Variants in CNTN6 observed in about 807,000 individuals in gnomAD.
The protein encoded by CNTN6 is contactin 6.
CNTN6 carries 137 observed loss-of-function variants against 122.8 expected under a neutral mutation model. That is an observed-to-expected ratio of 1.12 (90% confidence interval 0.97 to 1.29). The LOEUF (loss-of-function observed/expected upper bound fraction) is 1.29, where lower values mean the gene tolerates loss of function less well. Ranked by LOEUF, CNTN6 falls within the 50% of genes most tolerant of loss-of-function variation. CNTN6 has a pLI of 0.00. For missense variants in CNTN6, 1,634 were observed against 1,223.4 expected (o/e 1.34, Z -5.01); for synonymous variants, 570 against 426.0 (o/e 1.34, Z -4.16).
intron 4 of CNTN6, among the ~76,000 whole-genome samples, chr3:1,245,977 CA>C (rs2094578119): frequency 6.6e-6 from 1 of 151,966 alleles, no homozygotes; most frequent in Non-Finnish European, 1.5e-5. Flanking sequence ...TTTGTTGGGC[CA>C]CATTCAAAGC....
At chr3:1,366,579 T>G (rs1708247352) in intron 12 of CNTN6, among the ~76,000 whole-genome samples, 1 of 152,162 alleles carries the variant, frequency 6.6e-6, no homozygotes, top group South Asian at 2.1e-4. Flanking sequence ...CAAAGTAGCA[T>G]GAACAGTTTT....
chr3:1,384,764 T>C (rs1309199940), intron 19 of CNTN6, among the ~76,000 whole-genome samples: 3 of 119,478 alleles, frequency 2.5e-5, no homozygotes, highest in Admixed American at 1.7e-4. Flanking sequence ...TATATACATA[T>C]ATATACACAT....
chr3:1,232,691 A>T lies in CNTN6; in HGVS notation c.358+4698A>T, dbSNP rs2094367803. Among the ~76,000 whole-genome samples the T allele has an allele frequency of 4.6e-5, 7 of 152,200 alleles. No individual in the cohort carries two copies. The South Asian group carries it at 1.4e-3, about 31-fold the overall frequency. On this transcript the variant is annotated intron_variant, in intron 4 of 22. Coordinates refer to ENST00000446702, the MANE Select transcript of CNTN6 (RefSeq NM_001289080.2). ...GTTTTCAAATCCAGACAGAGTGAAG[A>T]GTCCTACCACCTACTGCACTGTCCC...
At chr3:1,257,665 TA>T (rs1476693045) in intron 4 of CNTN6, among the ~76,000 whole-genome samples, 5 of 152,110 alleles carry the variant, frequency 3.3e-5, no homozygotes, top group Non-Finnish European at 7.4e-5. Context: ...ATATAGTAGT[TA>T]AGAGTAAAGT....
At chr3:1,301,499 C>A (rs1697407635) in intron 7 of CNTN6, among the ~76,000 whole-genome samples, 1 of 152,086 alleles carries the variant, frequency 6.6e-6, no homozygotes, top group Non-Finnish European at 1.5e-5. Flanking sequence ...CAGGAAATAA[C>A]CGTTGAACAT....
At chr3:1,247,139 G>A (rs550370432) in intron 4 of CNTN6, among the ~76,000 whole-genome samples, 2 of 151,796 alleles carry the variant, frequency 1.3e-5, no homozygotes, top group African/African-American at 2.4e-5. Context: ...TTTGTCCTTC[G>A]TATTTAAATT....
chr3:1,289,681 T>TG (rs1242609698), intron 5 of CNTN6, among the ~76,000 whole-genome samples: 3 of 149,666 alleles, frequency 2.0e-5, no homozygotes, highest in Non-Finnish European at 4.5e-5. Context: ...TTTGGGTTTT[T>TG]TTTTTTTTTT....
chr3:1,402,514 G>C, intron 22 of CNTN6, 28 bp downstream of exon 22: 1 of 1,573,246 alleles, frequency 6.4e-7, no homozygotes, highest in South Asian at 1.1e-5. Context: ...TGCTGTAGTA[G>C]ATTCTGAACC....
At chr3:1,154,448 C>CTTTTTTTTTTTTT (rs771133835) in intron 2 of CNTN6, among the ~76,000 whole-genome samples, 7 of 140,474 alleles carry the variant, frequency 5.0e-5, no homozygotes, top group African/African-American at 5.5e-5. Context: ...TCTTTTCTTT[C>CTTTTTTTTTTTTT]TTTTTTTTTT....
intron 19 of CNTN6, among the ~76,000 whole-genome samples, chr3:1,383,625 A>C (rs944605816): frequency 6.6e-6 from 1 of 151,914 alleles, no homozygotes; most frequent in South Asian, 2.1e-4. Flanking sequence ...AGAATTCGAG[A>C]GTGAGCCAGT....
chr3:1,102,197 T>G (rs1285900543), intron 1 of CNTN6, among the ~76,000 whole-genome samples: 1 of 152,176 alleles, frequency 6.6e-6, no homozygotes, highest in Non-Finnish European at 1.5e-5. Flanking sequence ...GTTTATTTGG[T>G]TTCCCATATT....
At position 1,396,551 on chromosome 3, in the gene CNTN6, C is replaced by T. The variant is rs951089755; in HGVS notation, c.2705-4882C>T. Among the ~76,000 whole-genome samples, 4 of 152,212 alleles carry T rather than the reference C, an allele frequency of 2.6e-5. No individual in the cohort carries two copies. In the East Asian group the frequency reaches 5.8e-4, roughly 22 times the overall value. On this transcript the variant is annotated intron_variant, in intron 20 of 22. Transcript: ENST00000446702. ...TAGAGATGAAGATACTTACCTCTAG[C>T]GATTTCTCTGAGAACCAAAGGATAT...
At chr3:1,351,826 T>C (rs1378829785) in intron 11 of CNTN6, among the ~76,000 whole-genome samples, 1 of 151,894 alleles carries the variant, frequency 6.6e-6, no homozygotes, top group Non-Finnish European at 1.5e-5. Context: ...TTTCTTCAAC[T>C]CATCAGCACT....
In CNTN6 at chr3:1,393,803, AAG is replaced by A. The variant is rs376824333; in HGVS notation, c.2705-7622_2705-7621del. On this transcript the variant is annotated intron_variant, in intron 20 of 22. Transcript: ENST00000446702. Reference sequence around the variant, plus strand: ...CACTGAACTAATCATTTACCTCAGGAAGAGAGAGATATATCCATATGACATAT... The same window carrying A: ...CACTGAACTAATCATTTACCTCAGGAAGAGAGATATATCCATATGACATAT... Among the ~76,000 whole-genome samples the A allele has an allele frequency of 2.6e-3, 396 of 152,252 alleles. 2 individuals are homozygous for A. Among genetic ancestry groups the A allele is most frequent in the African/African-American group, 8.6e-3 (357 of 41,556 alleles).
chr3:1,303,033 A>C (rs1283147511), intron 7 of CNTN6, among the ~76,000 whole-genome samples: 1 of 152,060 alleles, frequency 6.6e-6, no homozygotes, highest in South Asian at 2.1e-4. Flanking sequence ...TGTTCAGTCT[A>C]CTGGTGAGCC....
At chr3:1,304,984 T>C (rs1011651205) in intron 7 of CNTN6, among the ~76,000 whole-genome samples, 9 of 60,878 alleles carry the variant, frequency 1.5e-4, no homozygotes, top group African/African-American at 3.4e-4. Flanking sequence ...AATGAGACTC[T>C]GTCAAAAAAA....
At chr3:1,122,327 G>C (rs145473738) in intron 1 of CNTN6, among the ~76,000 whole-genome samples, 231 of 148,572 alleles carry the variant, frequency 1.6e-3, no homozygotes, top group African/African-American at 5.7e-3. Context: ...AGGAAAGAAA[G>C]AAGGGAGGGC....
intron 1 of CNTN6, among the ~76,000 whole-genome samples, chr3:1,099,255 T>A (rs946590026): frequency 6.6e-6 from 1 of 151,872 alleles, no homozygotes; most frequent in Non-Finnish European, 1.5e-5. Context: ...ATCGAGACCA[T>A]CCTGGCTAAC....
chr3:1,349,314 A>G (rs780321365), intron 11 of CNTN6, among the ~76,000 whole-genome samples: 13 of 151,730 alleles, frequency 8.6e-5, no homozygotes, highest in Non-Finnish European at 1.8e-4. Context: ...CTAATCATTC[A>G]TGCAAATCTC....
Sources: allele counts gnomAD v4.1 joint callset (sites outside exome capture counted in the v4.1 genomes callset), GRCh38; gene constraint gnomAD v4.1.1; transcripts MANE v1.5; gene names NCBI Gene and HGNC (gene_info 2026-07-23, HGNC 2026-07-21).